The following LYPLAL1 variants were observed in gnomAD, a reference collection of about 807,000 sequenced individuals.
LYPLAL1 encodes the protein lysophospholipase like 1, also known as lysophospholipase-like protein 1.
In LYPLAL1, 23 loss-of-function variants were observed where a neutral mutation model predicts 19.7. The observed-to-expected ratio is 1.17, with a 90% CI of 0.84 to 1.65. The LOEUF (loss-of-function observed/expected upper bound fraction) is 1.65, where lower values mean the gene tolerates loss of function less well. LYPLAL1 is among the 40% of genes most tolerant of loss of function. LYPLAL1 has a pLI of 0.00. For synonymous variants in LYPLAL1, 119 were observed against 96.3 expected, an observed-to-expected ratio of 1.24 and a Z score of -1.38; for missense variants, 355 against 279.4, an observed-to-expected ratio of 1.27 and a Z score of -1.93.
At chr1:219,198,085 T>A (rs1485173268) in intron 3 of LYPLAL1, among the ~76,000 whole-genome samples, 1 of 152,146 alleles carries the variant, frequency 6.6e-6, no homozygotes, top group Non-Finnish European at 1.5e-5. Flanking sequence ...CATTTTCTTC[T>A]TGAGAAAAAG....
chr1:219,389,122 T>C, the LYPLAL1 span, among the ~76,000 whole-genome samples: 1 of 152,238 alleles, frequency 6.6e-6, no homozygotes, highest in Non-Finnish European at 1.5e-5. Context: ...TTGAAAATAT[T>C]GAATTTTATT....
chr1:219,373,882 CAAAAA>C, the LYPLAL1 span, among the ~76,000 whole-genome samples: 1 of 119,598 alleles, frequency 8.4e-6, no homozygotes, highest in African/African-American at 3.0e-5. Flanking sequence ...AAAAAAAAAA[CAAAAA>C]AAAAAACACA....
chr1:219,217,379 G>GGGGTGTGTGTGTGTGTGT (rs1553304603), downstream of LYPLAL1, among the ~76,000 whole-genome samples: 149 of 134,126 alleles, frequency 1.1e-3, no homozygotes, highest in African/African-American at 3.3e-3. Context: ...TGCCAGGTTT[G>GGGGTGTGTGTGTGTGTGT]GTGTGTGTGT....
the LYPLAL1 span, among the ~76,000 whole-genome samples, chr1:219,322,136 T>C: frequency 1.1e-4 from 17 of 152,226 alleles, no homozygotes; most frequent in African/African-American, 4.1e-4. Context: ...ACCTCCTCAA[T>C]GTCTTATAAC....
At chr1:219,205,296 G>A (rs570405340) in intron 3 of LYPLAL1, among the ~76,000 whole-genome samples, 1 of 147,814 alleles carries the variant, frequency 6.8e-6, no homozygotes, top group Admixed American at 6.9e-5. Flanking sequence ...AGCGGAGCTT[G>A]CAGTGAGCCG....
At chr1:219,225,456 A>T in the LYPLAL1 span, 1 of 152,132 alleles carries the variant, frequency 6.6e-6, no homozygotes, top group Non-Finnish European at 1.5e-5. Flanking sequence ...TCATTATGTC[A>T]GCATCTATTC....
At chr1:219,284,453 A>G in the LYPLAL1 span, among the ~76,000 whole-genome samples, 3 of 152,182 alleles carry the variant, frequency 2.0e-5, no homozygotes, top group East Asian at 1.9e-4. Flanking sequence ...ATTATTACAC[A>G]TTACATGCCT....
At chr1:219,310,255 G>T in the LYPLAL1 span, among the ~76,000 whole-genome samples, 1 of 152,178 alleles carries the variant, frequency 6.6e-6, no homozygotes, top group Non-Finnish European at 1.5e-5. Flanking sequence ...CAAAAACATT[G>T]TACCTATTTA....
chr1:219,261,090 C>A, the LYPLAL1 span, among the ~76,000 whole-genome samples: 34 of 151,942 alleles, frequency 2.2e-4, no homozygotes, highest in African/African-American at 7.3e-4. Context: ...TGACTGTATT[C>A]AGAGGAAAAG....
the LYPLAL1 span, among the ~76,000 whole-genome samples, chr1:219,366,493 A>G: frequency 6.6e-6 from 1 of 152,230 alleles, no homozygotes; most frequent in East Asian, 1.9e-4. Context: ...TTACTATAGA[A>G]CAGTTTCTGT....
At chr1:219,224,674 A>G in the LYPLAL1 span, among the ~76,000 whole-genome samples, 13 of 152,320 alleles carry the variant, frequency 8.5e-5, no homozygotes, top group African/African-American at 2.9e-4. Context: ...AATGTTGTAG[A>G]TTCAGAACTA....
At chr1:219,293,721 CAT>C in the LYPLAL1 span, among the ~76,000 whole-genome samples, 8 of 152,172 alleles carry the variant, frequency 5.3e-5, no homozygotes, top group Non-Finnish European at 4.4e-5. Context: ...AGCCACTAGA[CAT>C]GTGCGTATAT....
intron 2 of LYPLAL1, among the ~76,000 whole-genome samples, chr1:219,182,838 C>T (rs952009677): frequency 6.6e-6 from 1 of 151,926 alleles, no homozygotes; most frequent in South Asian, 2.1e-4. Context: ...AAATGATATT[C>T]AGGGTTTACC....
chr1:219,275,342 C>T, the LYPLAL1 span, among the ~76,000 whole-genome samples: 4 of 152,134 alleles, frequency 2.6e-5, no homozygotes, highest in Admixed American at 2.6e-4. Flanking sequence ...CCACTGGTTC[C>T]CAAGTTCCTG....
chr1:219,236,895 A>T, the LYPLAL1 span, among the ~76,000 whole-genome samples: 1 of 152,028 alleles, frequency 6.6e-6, no homozygotes, highest in Non-Finnish European at 1.5e-5. Context: ...ATTTTTCTTG[A>T]TGCTCTCCCT....
the LYPLAL1 span, among the ~76,000 whole-genome samples, chr1:219,311,534 GTTTT>G: frequency 6.9e-6 from 1 of 144,978 alleles, no homozygotes; most frequent in African/African-American, 2.5e-5. Context: ...TGTTGTAGGT[GTTTT>G]TTTTTTTTTT....
the LYPLAL1 span, among the ~76,000 whole-genome samples, chr1:219,416,536 C>T: frequency 4.4e-5 from 6 of 136,476 alleles, no homozygotes; most frequent in South Asian, 1.3e-3. Context: ...GACACTGCAC[C>T]CAGAGTCAGC....
At chr1:219,325,113 G>T in the LYPLAL1 span, among the ~76,000 whole-genome samples, 2 of 152,090 alleles carry the variant, frequency 1.3e-5, no homozygotes, top group African/African-American at 4.8e-5. Context: ...TACCTCTCAA[G>T]AATCCATGAT....
the LYPLAL1 span, among the ~76,000 whole-genome samples, chr1:219,421,803 G>A: frequency 6.6e-6 from 1 of 152,064 alleles, no homozygotes; most frequent in African/African-American, 2.4e-5. Context: ...GATTTAGAGA[G>A]TGACTAAAAA....
Sources: allele counts gnomAD v4.1 joint callset (sites outside exome capture counted in the v4.1 genomes callset), GRCh38; gene constraint gnomAD v4.1.1; transcripts MANE v1.5; gene names NCBI Gene and HGNC (gene_info 2026-07-23, HGNC 2026-07-21).